The following ZNF90 variants were observed in gnomAD, a reference collection of about 807,000 sequenced individuals.
ZNF90 encodes the protein zinc finger protein 90, also known as zinc finger protein HTF9.
ZNF90 carries 11 observed loss-of-function variants against 12.0 expected under a neutral mutation model. The observed-to-expected ratio is 0.92, with a 90% CI of 0.58 to 1.52. ZNF90 has a LOEUF of 1.52. Among genes scored for constraint, ZNF90 ranks in the 40% most tolerant of loss-of-function variants. The pLI is 0.00. For synonymous variants in ZNF90, 232 were observed against 240.1 expected, an observed-to-expected ratio of 0.97 and a Z score of 0.31; for missense variants, 765 against 711.5, an observed-to-expected ratio of 1.08 and a Z score of -0.86.
At chr19:20,110,358 A>C (rs149358571) in intron 3 of ZNF90, among the ~76,000 whole-genome samples, 5,724 of 152,002 alleles carry the variant, frequency 0.038, 233 homozygotes, top group East Asian at 0.14. Context: ...GGCTCACTGC[A>C]ACCCCTGCCT....
rs189225728 is a variant in ZNF90, at chr19:20,113,224, T to C, written c.227-4557T>C. Among the ~76,000 whole-genome samples, 59 of 152,132 alleles carry C rather than the reference T, an allele frequency of 3.9e-4. No individual in the cohort carries two copies. In the East Asian group the frequency reaches 8.7e-3, roughly 23 times the overall value. On this transcript the variant is annotated intron_variant, in intron 3 of 3. Transcript: ENST00000418063. ...CTCCTTTGAGAGGGAGTTTCACTCATGTTACCCAGGCTGGAGTACAATGGC... is the reference window on the plus strand; with the variant it reads ...CTCCTTTGAGAGGGAGTTTCACTCACGTTACCCAGGCTGGAGTACAATGGC...
chr19:20,091,372 C>T (rs2088901695), intron 1 of ZNF90, among the ~76,000 whole-genome samples: 1 of 152,128 alleles, frequency 6.6e-6, no homozygotes, highest in African/African-American at 2.4e-5. Flanking sequence ...GGTCTAGCGG[C>T]TTGTAACCTA....
intron 1 of ZNF90, chr19:20,079,748 A>C: frequency 4.6e-6 from 1 of 217,242 alleles, no homozygotes; most frequent in South Asian, 6.4e-5. Context: ...GAGGCATATA[A>C]GCTTAAGAAA....
At chr19:20,113,208 G>C (rs1319552326) in intron 3 of ZNF90, among the ~76,000 whole-genome samples, 2 of 150,956 alleles carry the variant, frequency 1.3e-5, no homozygotes, top group African/African-American at 4.9e-5. Context: ...TCTCCTTTGA[G>C]AGGGAGTTTC....
At position 20,120,194 on chromosome 19, in the gene ZNF90, A is replaced by G. The variant is rs782643032; in HGVS notation, c.*834A>G. Among the ~76,000 whole-genome samples the G allele has an allele frequency of 6.6e-6, 1 of 152,216 alleles. No individual in the cohort carries two copies. The highest frequency in any genetic ancestry group is 1.5e-5 in the Non-Finnish European group (1 of 68,034). On this transcript the variant is annotated 3_prime_UTR_variant, in exon 4 of 4. Transcript: ENST00000418063. The stretch of plus-strand genomic sequence containing the variant: ...CTAGTATCCTTGAGAAAAATTGCAC[A>G]ATTATAAAAAATATGGAAAACCCAT...
chr19:20,117,559 C>A, intron 3 of ZNF90: 1 of 983,106 alleles, frequency 1.0e-6, no homozygotes, highest in Non-Finnish European at 1.2e-6. Context: ...GCCTCAGCTT[C>A]CCAAGTAGCT....
At chr19:20,114,755 G>T (rs1374741872) in intron 3 of ZNF90, among the ~76,000 whole-genome samples, 1 of 152,112 alleles carries the variant, frequency 6.6e-6, no homozygotes, top group Non-Finnish European at 1.5e-5. Flanking sequence ...TCCTGATGTT[G>T]TTGAGGAGTG....
rs1289039444 is a variant in ZNF90 at position 20,118,734 on chromosome 19, A to G, written c.1180A>G (p.Lys394Glu). 29 of 1,601,470 alleles carry G rather than the reference A, an allele frequency of 1.8e-5. No homozygotes were observed. The highest frequency in any genetic ancestry group is 2.5e-5 in the Non-Finnish European group (29 of 1,175,120). ...LYKHKISHSE[K>E]KPYKCEECGK... ...TAAACATAAGATAAGTCATAGTGAA[A>G]AGAAACCCTACAAATGTGAAGAATG... Residue 394 changes from lysine (K) to glutamate (E), a missense_variant, in exon 4 of 4, where the codon AAG (lysine) becomes GAG (glutamate). By Grantham distance (56) the Lys-to-Glu change is moderately conservative. Transcript: ENST00000418063.
intron 3 of ZNF90, among the ~76,000 whole-genome samples, chr19:20,110,268 G>T (rs1334808869): frequency 1.3e-5 from 2 of 151,966 alleles, no homozygotes; most frequent in African/African-American, 4.8e-5. Context: ...TCCAGGTCCT[G>T]TGTTGTTTTG....
chr19:20,085,302 G>T (rs1020663960), intron 1 of ZNF90, among the ~76,000 whole-genome samples: 1 of 101,316 alleles, frequency 9.9e-6, no homozygotes, highest in Non-Finnish European at 1.8e-5. Flanking sequence ...CTCTTTGGCC[G>T]AGACTGGAGT....
chr19:20,105,847 C>A (rs1195573380), intron 3 of ZNF90, among the ~76,000 whole-genome samples: 1 of 151,968 alleles, frequency 6.6e-6, no homozygotes, highest in Non-Finnish European at 1.5e-5. Context: ...TTTGGCTATT[C>A]AAAGTTTATT....
In ZNF90 at chr19:20,119,508, G is replaced by T; in HGVS notation, c.*148G>T. The T allele has an allele frequency of 1.4e-6, 1 of 716,924 alleles. No individual in the cohort carries two copies. The allele number at this position is 716,924 out of a possible 1,614,324, so 44.4% of individuals were successfully genotyped here. A position where few individuals can be genotyped will look rare whatever the true frequency, so the allele number is the denominator to read the frequency against. On this transcript the variant is annotated 3_prime_UTR_variant, in exon 4 of 4. Transcript: ENST00000418063. Reference sequence around the variant, plus strand: ...GAAACATAACTCCTACAAAAATAAAGAATGTGACAAATCATTTTAAGGAAG... The same window carrying T: ...GAAACATAACTCCTACAAAAATAAATAATGTGACAAATCATTTTAAGGAAG...
intron 3 of ZNF90, among the ~76,000 whole-genome samples, chr19:20,110,422 G>A (rs1456932762): frequency 6.6e-6 from 1 of 151,992 alleles, no homozygotes; most frequent in African/African-American, 2.4e-5. Flanking sequence ...GGGATTACAG[G>A]CACCCACTAC....
intron 3 of ZNF90, chr19:20,107,028 T>TC (rs1555704563): frequency 2.2e-6 from 1 of 454,322 alleles, no homozygotes. Context: ...ATGGTGGGCC[T>TC]TGTATCAGGA....
At chr19:20,098,577 T>C (rs1051678046) in intron 1 of ZNF90, among the ~76,000 whole-genome samples, 2 of 152,240 alleles carry the variant, frequency 1.3e-5, no homozygotes. Flanking sequence ...ATCCAAGAGC[T>C]AGCAAATCAG....
At chr19:20,087,265 ATTATT>A (rs1285024456) in intron 1 of ZNF90, 1 of 152,136 alleles carries the variant, frequency 6.6e-6, no homozygotes, top group East Asian at 1.9e-4. Context: ...TTTTTCTTAG[ATTATT>A]TTAACTTTTT....
intron 1 of ZNF90, among the ~76,000 whole-genome samples, chr19:20,102,189 C>G (rs148454856): frequency 4.6e-5 from 7 of 152,302 alleles, no homozygotes; most frequent in African/African-American, 9.6e-5. Context: ...GTTCTTTGTT[C>G]TCTATTTTAA....
At chr19:20,084,074 T>TTTC (rs1568282012) in intron 1 of ZNF90, among the ~76,000 whole-genome samples, 1 of 22,242 alleles carries the variant, frequency 4.5e-5, no homozygotes, top group Non-Finnish European at 9.0e-5. Context: ...TTTTCTTTTT[T>TTTC]TTTTTTTGAG....
At chr19:20,085,270 T>TTTTTTTTTCTTTTTTTTTTC (rs1418296204) in intron 1 of ZNF90, among the ~76,000 whole-genome samples, 2 of 146,392 alleles carry the variant, frequency 1.4e-5, no homozygotes, top group Non-Finnish European at 3.0e-5. Context: ...GCATTGGTCT[T>TTTTTTTTTCTTTTTTTTTTC]TTTTTTTTAG....
Sources: gnomAD v4.1 joint callset for allele counts (sites outside exome capture counted in the v4.1 genomes callset) on GRCh38, gnomAD v4.1.1 for gene constraint, MANE v1.5 for transcripts, NCBI Gene and HGNC (gene_info 2026-07-23, HGNC 2026-07-21) for gene names.